The following JAKMIP1 variants were observed in gnomAD, a reference collection of about 807,000 sequenced individuals.
JAKMIP1 encodes janus kinase and microtubule interacting protein 1.
In JAKMIP1, 33 loss-of-function variants were observed where a neutral mutation model predicts 113.0. That is an observed-to-expected ratio of 0.29 (90% CI 0.22 to 0.39). The LOEUF (loss-of-function observed/expected upper bound fraction) is 0.39. Ranked by LOEUF, JAKMIP1 falls within the 10% of genes least tolerant of loss-of-function variation. The probability of loss-of-function intolerance (pLI) is 1.00; values close to 1 mark genes in which losing one functional copy is unlikely to be tolerated. For missense variants in JAKMIP1, 813 were observed against 1,080.5 expected (o/e 0.75, Z 3.47); for synonymous variants, 480 against 459.9 (o/e 1.04, Z -0.56).
intron 3 of JAKMIP1, 60 bp downstream of exon 3, chr4:6,105,413 C>CT: frequency 6.8e-7 from 1 of 1,473,778 alleles, no homozygotes; most frequent in South Asian, 1.3e-5. Flanking sequence ...CCGCATTTCC[C>CT]CCATGCGTGC....
intron 1 of JAKMIP1, among the ~76,000 whole-genome samples, chr4:6,172,381 T>C (rs979918714): frequency 1.3e-5 from 2 of 151,974 alleles, no homozygotes; most frequent in African/African-American, 4.8e-5. Context: ...GTGCCTGTAA[T>C]GAGGAAGGAC....
intron 12 of JAKMIP1, among the ~76,000 whole-genome samples, chr4:6,054,981 A>C (rs975934391): frequency 6.6e-6 from 1 of 152,174 alleles, no homozygotes. Context: ...CAAAGATGCT[A>C]AAATTCTCCC....
rs1475589913 is a variant in JAKMIP1, at chr4:6,183,478, C to CAATA, written c.-148+16771_-148+16774dup. 0.01 allele frequency among the ~76,000 whole-genome samples: 1,275 copies of CAATA among 126,706 alleles called. 26 individuals are homozygous for CAATA. The highest frequency in any genetic ancestry group is 0.035 in the African/African-American group (1,173 of 33,866). The allele number at this position is 126,706 out of a possible 152,430, so 83.1% of individuals were successfully genotyped here. ...TGGGTGACAGAGCAAGACTCTGTCT[C>CAATA]AATAAATAAATAAATAAATAAATAA... On this transcript the variant is annotated intron_variant, in intron 1 of 20. Transcript: ENST00000409021. This position sits in a 1 kb window ranked among gnomAD's most constrained non-coding sequence, Gnocchi z 5.3.
chr4:6,083,385 A>G (rs1720861607), intron 5 of JAKMIP1, among the ~76,000 whole-genome samples: 1 of 150,610 alleles, frequency 6.6e-6, no homozygotes, highest in Non-Finnish European at 1.5e-5. Flanking sequence ...CCTGGGCGAC[A>G]GAGCAAGACT....
intron 9 of JAKMIP1, among the ~76,000 whole-genome samples, chr4:6,062,975 T>G (rs528634923): frequency 1.7e-4 from 26 of 152,266 alleles, no homozygotes; most frequent in African/African-American, 6.3e-4. Flanking sequence ...AAACTCCATC[T>G]CTACTAAAAT....
In JAKMIP1 at chr4:6,061,470, C is replaced by T. The variant is rs1168312653; in HGVS notation, c.1560+842G>A. ...TGCCAGGCAATGCCCCATTCTGGCC[C>T]ATCGCCTTTAAGACTACCAAAATCC... On this transcript the variant is annotated intron_variant, in intron 10 of 20. Transcript: ENST00000409021. This position sits in a 1 kb window ranked among gnomAD's most constrained non-coding sequence, Gnocchi z 5.3. Among the ~76,000 whole-genome samples, 1 of 152,198 alleles carries T rather than the reference C, an allele frequency of 6.6e-6. No individual in the cohort carries two copies. The highest frequency in any genetic ancestry group is 2.4e-5 in the African/African-American group (1 of 41,440).
chr4:6,047,228 T>C (rs1715114165), intron 16 of JAKMIP1, among the ~76,000 whole-genome samples: 1 of 152,220 alleles, frequency 6.6e-6, no homozygotes, highest in African/African-American at 2.4e-5. Flanking sequence ...AAGCGGACAC[T>C]GGTGGATGTG....
intron 3 of JAKMIP1, among the ~76,000 whole-genome samples, chr4:6,087,772 C>T (rs1721505443): frequency 6.6e-6 from 1 of 152,130 alleles, no homozygotes; most frequent in East Asian, 1.9e-4. Context: ...TCTGAGGCAC[C>T]TTTCTTTGGA....
In JAKMIP1 at chr4:6,059,302, T is replaced by A. The variant is rs1716926150; in HGVS notation, c.1644+1122A>T. On this transcript the variant is annotated intron_variant, in intron 11 of 20. Transcript: ENST00000409021. The surrounding 1 kb of genome is among the most constrained non-coding windows in gnomAD (Gnocchi z 4.8). ...CCGTCCGCCTCCATGGGAACCTCAG[T>A]CTCAACCCCGAGCCCTGCGGCAGCC... Among the ~76,000 whole-genome samples, 1 of 152,162 alleles carries A rather than the reference T, an allele frequency of 6.6e-6. No homozygotes were observed. The highest frequency in any genetic ancestry group is 1.5e-5 in the Non-Finnish European group (1 of 68,018).
At position 6,129,549 on chromosome 4, in the gene JAKMIP1, C is replaced by G. The variant is rs1235639329; in HGVS notation, c.-147-16552G>C. Among the ~76,000 whole-genome samples the G allele has an allele frequency of 6.6e-6, 1 of 152,136 alleles. No homozygotes were observed. Among genetic ancestry groups the G allele is most frequent in the African/African-American group, 2.4e-5 (1 of 41,428 alleles). On this transcript the variant is annotated intron_variant, in intron 1 of 20. Transcript: ENST00000409021. This position sits in a 1 kb window ranked among gnomAD's most constrained non-coding sequence, Gnocchi z 5.4. ...CTGAAAGCCAGGTGCCATGCTGGTACAGGGACCAGGATACCAAGCAGGACC... is the reference window on the plus strand; with the variant it reads ...CTGAAAGCCAGGTGCCATGCTGGTAGAGGGACCAGGATACCAAGCAGGACC...
At position 6,086,289 on chromosome 4, in the gene JAKMIP1, A is replaced by C. The variant is rs1256094311; in HGVS notation, c.625-660T>G. Among the ~76,000 whole-genome samples the C allele has an allele frequency of 6.6e-6, 1 of 151,840 alleles. No individual in the cohort carries two copies. The highest frequency in any genetic ancestry group is 2.4e-5 in the African/African-American group (1 of 41,318). On this transcript the variant is annotated intron_variant, in intron 3 of 20. Coordinates refer to ENST00000409021, the MANE Select transcript of JAKMIP1 (RefSeq NM_001099433.2). The surrounding 1 kb of genome is among the most constrained non-coding windows in gnomAD (Gnocchi z 4.1). ...AGGCTCGGGCCTCTTCTCACTCTAT[A>C]TCCTCTCCCAGGCAGCCAGGTCCTC...
rs982878360 is a variant in JAKMIP1 at position 6,139,283 on chromosome 4, G to C, written c.-147-26286C>G. ...CATAGCATCAGAAGAGCATTTCAAGGACATTGAAAAGTATTCTTGATTTAT... is the reference window on the plus strand; with the variant it reads ...CATAGCATCAGAAGAGCATTTCAAGCACATTGAAAAGTATTCTTGATTTAT... On this transcript the variant is annotated intron_variant, in intron 1 of 20. Transcript: ENST00000409021. This position sits in a 1 kb window ranked among gnomAD's most constrained non-coding sequence, Gnocchi z 5.2. 1.3e-5 allele frequency among the ~76,000 whole-genome samples: 2 copies of C among 152,118 alleles called. No individual in the cohort carries two copies. The highest frequency in any genetic ancestry group is 4.8e-5 in the African/African-American group (2 of 41,392).
intron 16 of JAKMIP1, among the ~76,000 whole-genome samples, chr4:6,043,705 C>T (rs368009028): frequency 2.0e-5 from 3 of 147,976 alleles, no homozygotes; most frequent in Non-Finnish European, 4.5e-5. Flanking sequence ...CCCCTTTCAG[C>T]CCCCAGGTTC....
chr4:6,051,262 G>A lies in JAKMIP1; in HGVS notation c.1807-583C>T, dbSNP rs7685515. ...TTTGAGAGGGTGTTCTGTTCTTGTC[G>A]CCCAGGCTGGAGTGCAATGGCACAA... On this transcript the variant is annotated intron_variant, in intron 13 of 20. Coordinates refer to ENST00000409021, the MANE Select transcript of JAKMIP1 (RefSeq NM_001099433.2). This position sits in a 1 kb window ranked among gnomAD's most constrained non-coding sequence, Gnocchi z 5.0. Among the ~76,000 whole-genome samples the A allele has an allele frequency of 9.2e-3, 1,316 of 142,818 alleles. 24 individuals carry two copies. The highest frequency in any genetic ancestry group is 0.032 in the African/African-American group (1,237 of 38,222). 93.7% of individuals were successfully genotyped at this position (142,818 alleles called of 152,430 possible). A position where few individuals can be genotyped will look rare whatever the true frequency, so the allele number is the denominator to read the frequency against.
chr4:6,079,499 A>ACCAGTGC (rs1720192736), intron 7 of JAKMIP1, among the ~76,000 whole-genome samples: 1 of 152,138 alleles, frequency 6.6e-6, no homozygotes, highest in African/African-American at 2.4e-5. Flanking sequence ...TTCTTTGAAA[A>ACCAGTGC]CCAGTGCATG....
At position 6,168,913 on chromosome 4, in the gene JAKMIP1, C is replaced by CAA. The variant is rs112687448; in HGVS notation, c.-148+31338_-148+31339dup. 6.9e-6 allele frequency among the ~76,000 whole-genome samples: 1 copy of CAA among 143,926 alleles called. No individual in the cohort carries two copies. The highest frequency in any genetic ancestry group is 2.5e-5 in the African/African-American group (1 of 39,546). 94.4% of individuals were successfully genotyped at this position (143,926 alleles called of 152,430 possible). ...GAGAGCCTGTCTCAAAAAATAAAAA[C>CAA]AAAAAAAAAAATCATAGGGACAAGA... On this transcript the variant is annotated intron_variant, in intron 1 of 20. Transcript: ENST00000409021. The surrounding 1 kb of genome is among the most constrained non-coding windows in gnomAD (Gnocchi z 4.6).
chr4:6,070,448 G>A (rs1718799505), intron 8 of JAKMIP1, among the ~76,000 whole-genome samples: 1 of 152,280 alleles, frequency 6.6e-6, no homozygotes, highest in Non-Finnish European at 1.5e-5. Context: ...CCAACCGCGG[G>A]CTGAAGGGAG....
chr4:6,053,686 C>T (rs1192247958), intron 13 of JAKMIP1: 9 of 757,400 alleles, frequency 1.2e-5, no homozygotes, highest in African/African-American at 1.8e-5. Context: ...GTGCAGAATG[C>T]GTACCCGGTG....
chr4:6,183,555 G>T lies in JAKMIP1; in HGVS notation c.-148+16698C>A, dbSNP rs1726305161. Among the ~76,000 whole-genome samples the T allele has an allele frequency of 6.6e-6, 1 of 151,058 alleles. No homozygotes were observed. Among genetic ancestry groups the T allele is most frequent in the Non-Finnish European group, 1.5e-5 (1 of 67,602 alleles). ...GAACAGAAACTTCAGTACTCAGGGT[G>T]CTGGGACTTGGTTTTCAAACCACCT... On this transcript the variant is annotated intron_variant, in intron 1 of 20. Transcript: ENST00000409021. This position sits in a 1 kb window ranked among gnomAD's most constrained non-coding sequence, Gnocchi z 5.3.
Sources: gnomAD v4.1 joint callset for allele counts (sites outside exome capture counted in the v4.1 genomes callset) on GRCh38, gnomAD v4.1.1 for gene constraint, Gnocchi (gnomAD v3.1) non-coding constraint, MANE v1.5 for transcripts, NCBI Gene and HGNC (gene_info 2026-07-23, HGNC 2026-07-21) for gene names.